Variants in GABRA3 observed in about 807,000 individuals in gnomAD.
GABRA3 encodes the protein gamma-aminobutyric acid receptor subunit alpha-3.
GABRA3 carries 10 observed loss-of-function variants against 30.1 expected under a neutral mutation model. The ratio of observed to expected loss-of-function variants is 0.33; its 90% CI spans 0.20 to 0.56. GABRA3 has a LOEUF of 0.56. Ranked by LOEUF, GABRA3 falls within the 20% of genes least tolerant of loss-of-function variation. The pLI is 0.89. For missense variants in GABRA3, 233 were observed against 392.0 expected, an observed-to-expected ratio of 0.59 and a Z score of 3.42; for synonymous variants, 151 against 146.8, an observed-to-expected ratio of 1.03 and a Z score of -0.21.
intron 3 of GABRA3, among the ~76,000 whole-genome samples, chrX:152,318,100 C>T (rs1320318815): frequency 7.2e-5 from 8 of 110,886 alleles, no homozygotes; most frequent in South Asian, 3.8e-4. Flanking sequence ...AGAGAAGATC[C>T]GAATAAGCTC....
intron 1 of GABRA3, among the ~76,000 whole-genome samples, chrX:152,404,439 C>A (rs1282752788): frequency 9.1e-6 from 1 of 110,364 alleles, no homozygotes; most frequent in Non-Finnish European, 1.9e-5. Flanking sequence ...AAAAAAAAGT[C>A]CCAAATAAAA....
At chrX:152,410,550 AT>A (rs1170109154) in intron 1 of GABRA3, among the ~76,000 whole-genome samples, 2 of 111,404 alleles carry the variant, frequency 1.8e-5, no homozygotes, top group Non-Finnish European at 3.8e-5. Context: ...AAACAAAAAC[AT>A]CACATATACT....
At chrX:152,214,816 T>C (rs1937686300) in intron 6 of GABRA3, among the ~76,000 whole-genome samples, 2 of 109,912 alleles carry the variant, frequency 1.8e-5, no homozygotes, top group Admixed American at 9.7e-5. Flanking sequence ...ATTCCTAGAA[T>C]TTTATTGTTT....
rs373631254 is a variant in GABRA3, at chrX:152,384,120, C to A, written c.-26-19524G>T. On this transcript the variant is annotated intron_variant, in intron 1 of 9. Transcript: ENST00000370314. Reference sequence around the variant, plus strand: ...AAAAGAAAAATCAAGAAAACAACCCCATTTATAACAGCAACAAAAATAATA... The same window carrying A: ...AAAAGAAAAATCAAGAAAACAACCCAATTTATAACAGCAACAAAAATAATA... 1.2e-4 allele frequency among the ~76,000 whole-genome samples: 13 copies of A among 111,204 alleles called. No individual in the cohort carries two copies. In the South Asian group the frequency reaches 4.1e-3, roughly 35 times the overall value.
rs747753316 is a variant in GABRA3, at chrX:152,422,401, G to A, written c.-27+28745C>T. 6.3e-5 allele frequency among the ~76,000 whole-genome samples: 7 copies of A among 110,805 alleles called. No homozygotes were observed. The East Asian group carries it at 2.0e-3, about 32-fold the overall frequency. ...GGTATTAGTTATCTTTGTGGGGGGA[G>A]TATGGACAATGGCCAAGAAAGACAT... On this transcript the variant is annotated intron_variant, in intron 1 of 9. Transcript: ENST00000370314.
chrX:152,211,405 T>C (rs944633468), intron 6 of GABRA3, among the ~76,000 whole-genome samples: 2 of 110,099 alleles, frequency 1.8e-5, no homozygotes, highest in Admixed American at 9.8e-5. Flanking sequence ...CCTTACTTCA[T>C]GCAAAAAGCA....
chrX:152,275,240 T>TATATA (rs1569378362), intron 4 of GABRA3, among the ~76,000 whole-genome samples: 1 of 48,062 alleles, frequency 2.1e-5, no homozygotes, highest in African/African-American at 1.2e-4. Flanking sequence ...TATATATATT[T>TATATA]TATTATATAT....
chrX:152,297,175 G>A (rs1939545231), intron 3 of GABRA3, among the ~76,000 whole-genome samples: 1 of 111,870 alleles, frequency 8.9e-6, no homozygotes, highest in Non-Finnish European at 1.9e-5. Context: ...GACAAAGGTA[G>A]GATTGGACAA....
chrX:152,406,571 A>AATATATAT lies in GABRA3; in HGVS notation c.-26-41983_-26-41976dup, dbSNP rs61577907. Among the ~76,000 whole-genome samples, 207 of 95,566 alleles carry AATATATAT rather than the reference A, an allele frequency of 2.2e-3. 1 individual carries two copies. Among genetic ancestry groups the AATATATAT allele is most frequent in the East Asian group, 8.3e-3 (25 of 3,003 alleles). 83.0% of individuals were successfully genotyped at this position (95,566 alleles called of 115,157 possible). ...TAAATATCTATGCACCTAACACTGG[A>AATATATAT]ATATATATATATATATATATATATT... On this transcript the variant is annotated intron_variant, in intron 1 of 9. Transcript: ENST00000370314.
intron 3 of GABRA3, among the ~76,000 whole-genome samples, chrX:152,337,101 C>T (rs984333305): frequency 1.3e-4 from 14 of 111,758 alleles, no homozygotes; most frequent in East Asian, 2.8e-4. Context: ...CAGATGTACA[C>T]GGCTTTGGGA....
chrX:152,358,424 T>TA (rs1276446341), intron 2 of GABRA3, among the ~76,000 whole-genome samples: 1 of 111,925 alleles, frequency 8.9e-6, no homozygotes, highest in African/African-American at 3.2e-5. Context: ...GCTGAAGTTT[T>TA]AAAATCAGAT....
At chrX:152,407,662 A>T (rs1331326588) in intron 1 of GABRA3, among the ~76,000 whole-genome samples, 1 of 111,751 alleles carries the variant, frequency 8.9e-6, no homozygotes, top group Non-Finnish European at 1.9e-5. Context: ...AGAAGAACTA[A>T]CATCAATTCT....
chrX:152,381,368 T>C (rs183486752), intron 1 of GABRA3, among the ~76,000 whole-genome samples: 1 of 111,873 alleles, frequency 8.9e-6, no homozygotes, highest in Admixed American at 9.5e-5. Context: ...TTGAGAAATG[T>C]CTGTTCAAGT....
intron 1 of GABRA3, among the ~76,000 whole-genome samples, chrX:152,431,614 G>A (rs1158980071): frequency 8.9e-6 from 1 of 112,136 alleles, no homozygotes; most frequent in Non-Finnish European, 1.9e-5. Flanking sequence ...ATAGCAGATG[G>A]AATGAAGGAT....
rs1239085733 is a variant in GABRA3, at chrX:152,274,318, C to G, written c.330+10350G>C. On this transcript the variant is annotated intron_variant, in intron 4 of 9. Coordinates refer to ENST00000370314, the MANE Select transcript of GABRA3 (RefSeq NM_000808.4). The stretch of plus-strand genomic sequence containing the variant: ...GAACAACCCAGTTGGTAAGGATGAG[C>G]TAATAAACACTCATAAACTTATCTA... 3.6e-5 allele frequency among the ~76,000 whole-genome samples: 4 copies of G among 110,576 alleles called. No individual in the cohort carries two copies. In the Admixed American group the frequency reaches 3.9e-4, roughly 11 times the overall value.
chrX:152,380,953 C>G (rs1426256782), intron 1 of GABRA3, among the ~76,000 whole-genome samples: 2 of 111,663 alleles, frequency 1.8e-5, no homozygotes, highest in East Asian at 2.8e-4. Flanking sequence ...TAGTGCTGTT[C>G]TAGCAGTAGT....
intron 4 of GABRA3, among the ~76,000 whole-genome samples, chrX:152,280,107 T>C (rs1264743917): frequency 9.0e-6 from 1 of 111,457 alleles, no homozygotes; most frequent in Admixed American, 9.6e-5. Flanking sequence ...ATTTATTTCC[T>C]TCTCCTGCCT....
At chrX:152,364,703 T>C in intron 1 of GABRA3, 107 bp from the exon 2 acceptor site, 2 of 528,633 alleles carry the variant, frequency 3.8e-6, no homozygotes, top group Admixed American at 7.7e-5. Flanking sequence ...TTAAACTCTA[T>C]TAGAGCCATT....
intron 1 of GABRA3, 75 bp from the exon 2 acceptor site, chrX:152,364,671 A>G: frequency 1.3e-6 from 1 of 751,900 alleles, no homozygotes; most frequent in Non-Finnish European, 1.9e-6. Flanking sequence ...GAAAGAGGTA[A>G]AAAAGAGAGA....
Sources: gnomAD v4.1 joint callset for allele counts (sites outside exome capture counted in the v4.1 genomes callset) on GRCh38, gnomAD v4.1.1 for gene constraint, MANE v1.5 for transcripts, NCBI Gene and HGNC (gene_info 2026-07-23, HGNC 2026-07-21) for gene names.